MAP3K15: variants seen among roughly 807,000 people sequenced by gnomAD.
MAP3K15 encodes the protein MAPK/ERK kinase kinase 15.
In MAP3K15, 124 loss-of-function variants were observed where a neutral mutation model predicts 99.5. The observed-to-expected ratio is 1.25, with a 90% CI of 1.08 to 1.45. The LOEUF (loss-of-function observed/expected upper bound fraction) is 1.45, where lower values mean the gene tolerates loss of function less well. Ranked by LOEUF, MAP3K15 falls within the 40% of genes most tolerant of loss-of-function variation. MAP3K15 has a pLI of 0.00. For missense variants in MAP3K15, 1,242 were observed against 1,079.7 expected, an observed-to-expected ratio of 1.15 and a Z score of -2.11; for synonymous variants, 494 against 439.6, an observed-to-expected ratio of 1.12 and a Z score of -1.55.
In MAP3K15 at chrX:19,425,751, A is replaced by G. The variant is rs889619982; in HGVS notation, c.1280-61T>C. ...TTTTTTAGTTTCTGTCATACTGAGG[A>G]TAAGCAGGTATTTTATTTTGGCTGC... On this transcript the variant is annotated intron_variant, in intron 8 of 28. Coordinates refer to ENST00000338883, the MANE Select transcript of MAP3K15 (RefSeq NM_001001671.4). 6.8e-6 allele frequency: 7 copies of G among 1,028,775 alleles called. No individual in the cohort carries two copies. In the Admixed American group the frequency reaches 1.8e-4, roughly 27 times the overall value. The allele number at this position is 1,028,775 out of a possible 1,213,427, so 84.8% of individuals were successfully genotyped here.
At chrX:19,425,774 T>A in intron 8 of MAP3K15, 84 bp from the exon 9 acceptor site, 2 of 934,171 alleles carry the variant, frequency 2.1e-6, no homozygotes, top group Non-Finnish European at 2.9e-6. Context: ...TTATTTTGGC[T>A]GCTGTCTCAG....
intron 8 of MAP3K15, among the ~76,000 whole-genome samples, chrX:19,425,945 C>A (rs749786537): frequency 9.1e-6 from 1 of 110,318 alleles, no homozygotes; most frequent in Non-Finnish European, 1.9e-5. Context: ...ATGGTGAAAC[C>A]CCATCTCTAC....
chrX:19,482,619 T>C (rs962637811), intron 3 of MAP3K15, among the ~76,000 whole-genome samples: 1 of 111,837 alleles, frequency 8.9e-6, no homozygotes, highest in African/African-American at 3.3e-5. Flanking sequence ...TGTCTGCAAA[T>C]AAGCATTTTG....
intron 11 of MAP3K15, among the ~76,000 whole-genome samples, 167 bp downstream of exon 11, chrX:19,413,190 A>C (rs1486707010): frequency 9.1e-6 from 1 of 109,383 alleles, no homozygotes; most frequent in African/African-American, 3.4e-5. Context: ...ACACATGCCC[A>C]CACACACACA....
intron 1 of MAP3K15, among the ~76,000 whole-genome samples, chrX:19,506,021 C>T (rs1245419480): frequency 9.0e-6 from 1 of 111,568 alleles, no homozygotes; most frequent in Non-Finnish European, 1.9e-5. Context: ...CAACTTCCAC[C>T]TCCCGAGTTC....
rs1030416947 is a variant in MAP3K15, at chrX:19,360,683, C to G, written c.*66G>C. On this transcript the variant is annotated 3_prime_UTR_variant, in exon 29 of 29. Transcript: ENST00000338883. ...AAACACAGCGGAATTCGTGTATACA[C>G]TAACAGAAGCTTTAACAAAACATGT... 10 of 866,005 alleles carry G rather than the reference C, an allele frequency of 1.2e-5. No individual in the cohort carries two copies. The highest frequency in any genetic ancestry group is 2.8e-4 in the Middle Eastern group (1 of 3,624). The allele number at this position is 866,005 out of a possible 1,213,427, so 71.4% of individuals were successfully genotyped here.
At chrX:19,480,681 C>G (rs1253684147) in intron 3 of MAP3K15, among the ~76,000 whole-genome samples, 2 of 101,280 alleles carry the variant, frequency 2.0e-5, no homozygotes, top group South Asian at 4.5e-4. Context: ...AAAAAATTAG[C>G]CGTGCGTGGT....
At chrX:19,431,922 C>T (rs1046285622) in intron 6 of MAP3K15, among the ~76,000 whole-genome samples, 8 of 99,991 alleles carry the variant, frequency 8.0e-5, no homozygotes, top group Admixed American at 2.2e-4. Flanking sequence ...CCAGTCTGGG[C>T]GACAGAGTGA....
At chrX:19,388,545 A>G (rs148058802) in intron 18 of MAP3K15, among the ~76,000 whole-genome samples, 18 of 112,329 alleles carry the variant, frequency 1.6e-4, no homozygotes, top group African/African-American at 5.8e-4. Context: ...AAACACTTCA[A>G]TTGCACTTGC....
chrX:19,368,848 T>G (rs775023024), intron 25 of MAP3K15, among the ~76,000 whole-genome samples: 168 of 110,203 alleles, frequency 1.5e-3, no homozygotes, highest in African/African-American at 5.2e-3. Context: ...TGAGTTTTTT[T>G]TTTTTTTTTT....
chrX:19,448,322 A>G (rs1247209963), intron 6 of MAP3K15, among the ~76,000 whole-genome samples: 2 of 109,233 alleles, frequency 1.8e-5, no homozygotes, highest in Non-Finnish European at 3.9e-5. Context: ...CTGCATGTCA[A>G]AATGTATTAC....
In MAP3K15 at chrX:19,360,484, A is replaced by AG. The variant is rs1361729930; in HGVS notation, c.*264dup. On this transcript the variant is annotated 3_prime_UTR_variant, in exon 29 of 29. Transcript: ENST00000338883. ...ATCCTCCCACCTCAGCCTCCTGCAT[A>AG]GCTGGGACTACAAGTGAATTTCCTA... is the stretch of plus-strand genomic sequence containing the variant. The AG allele has an allele frequency of 6.4e-5, 17 of 266,096 alleles. No individual in the cohort carries two copies. The highest frequency in any genetic ancestry group is 1.3e-5 in the Non-Finnish European group (2 of 149,854). 21.9% of individuals were successfully genotyped at this position (266,096 alleles called of 1,213,427 possible).
intron 4 of MAP3K15, among the ~76,000 whole-genome samples, chrX:19,463,347 G>T (rs2064144628): frequency 9.0e-6 from 1 of 111,556 alleles, no homozygotes; most frequent in Non-Finnish European, 1.9e-5. Flanking sequence ...CGCAGTTCAG[G>T]GTGCCACTAT....
At chrX:19,491,599 TG>T (rs995965467) in intron 1 of MAP3K15, among the ~76,000 whole-genome samples, 1 of 110,977 alleles carries the variant, frequency 9.0e-6, no homozygotes, top group African/African-American at 3.3e-5. Context: ...TATCACTTCC[TG>T]GGGCCACAAT....
At chrX:19,428,262 C>T (rs73637647) in intron 7 of MAP3K15, among the ~76,000 whole-genome samples, 1 of 111,948 alleles carries the variant, frequency 8.9e-6, no homozygotes, top group Non-Finnish European at 1.9e-5. Context: ...TCATTTGCTT[C>T]TGCACCTACC....
intron 14 of MAP3K15, among the ~76,000 whole-genome samples, chrX:19,399,761 A>AAC (rs2063595404): frequency 9.5e-6 from 1 of 105,259 alleles, no homozygotes; most frequent in African/African-American, 3.5e-5. Context: ...AAAAAAAAAA[A>AAC]AAAAACATGG....
intron 4 of MAP3K15, 61 bp from the exon 5 acceptor site, chrX:19,460,214 C>T (rs7877434): frequency 0.034 from 29,424 of 856,266 alleles, 1,812 homozygotes; most frequent in African/African-American, 0.3. Context: ...GACTGTCTTG[C>T]GCCCAAAATG....
chrX:19,360,585 C>CAAAAGAAACTCAGGACAGTATT lies in MAP3K15; in HGVS notation c.*142_*163dup. On this transcript the variant is annotated 3_prime_UTR_variant, in exon 29 of 29. Coordinates refer to ENST00000338883, the MANE Select transcript of MAP3K15 (RefSeq NM_001001671.4). ...TTCTATGTTTATAAATAACAGGTTT[C>CAAAAGAAACTCAGGACAGTATT]AAAAGAAACTCAGGACAGTATTTAA... 2.4e-6 allele frequency: 1 copy of CAAAAGAAACTCAGGACAGTATT among 424,432 alleles called. No individual in the cohort carries two copies. Among genetic ancestry groups the CAAAAGAAACTCAGGACAGTATT allele is most frequent in the Non-Finnish European group, 4.1e-6 (1 of 246,630 alleles). The allele number at this position is 424,432 out of a possible 1,213,427, so 35.0% of individuals were successfully genotyped here.
At chrX:19,366,388 C>T (rs1349367981) in intron 25 of MAP3K15, among the ~76,000 whole-genome samples, 4 of 111,959 alleles carry the variant, frequency 3.6e-5, no homozygotes, top group Non-Finnish European at 7.5e-5. Flanking sequence ...CCAACTGCCA[C>T]ATAGCCAAGG....
Sources: allele counts gnomAD v4.1 joint callset (sites outside exome capture counted in the v4.1 genomes callset), GRCh38; gene constraint gnomAD v4.1.1; transcripts MANE v1.5; gene names NCBI Gene and HGNC (gene_info 2026-07-23, HGNC 2026-07-21).